Variants in TXK observed in about 807,000 individuals in gnomAD.
TXK encodes the protein tyrosine-protein kinase TXK.
In TXK, 60 loss-of-function variants were observed where a neutral mutation model predicts 81.0. That is an observed-to-expected ratio of 0.74 (90% confidence interval 0.60 to 0.92). The LOEUF (loss-of-function observed/expected upper bound fraction) is 0.92, where lower values mean the gene tolerates loss of function less well. Among genes scored for constraint, TXK ranks in the 40% least tolerant of loss-of-function variants. TXK has a pLI of 0.00. For synonymous variants in TXK, 203 were observed against 210.7 expected (o/e 0.96, Z 0.32); for missense variants, 581 against 638.3 (o/e 0.91, Z 0.97).
intron 8 of TXK, among the ~76,000 whole-genome samples, chr4:48,091,084 A>G (rs1717748439): frequency 1.3e-5 from 2 of 152,222 alleles, no homozygotes; most frequent in Admixed American, 1.3e-4. Context: ...GTGAGAGAAG[A>G]CAGGCAGAGA....
chr4:48,116,596 G>T (rs369191640), intron 1 of TXK, among the ~76,000 whole-genome samples: 4 of 152,312 alleles, frequency 2.6e-5, no homozygotes, highest in South Asian at 2.1e-4. Flanking sequence ...GAAGGAGAGG[G>T]TATCTGTGGC....
intron 1 of TXK, among the ~76,000 whole-genome samples, chr4:48,131,585 G>C (rs1719248842): frequency 6.6e-6 from 1 of 152,134 alleles, no homozygotes; most frequent in Admixed American, 6.5e-5. Flanking sequence ...GTAGACAACA[G>C]GTGATTCTTA....
At chr4:48,111,553 G>A (rs1392042503) in intron 4 of TXK, among the ~76,000 whole-genome samples, 2 of 152,206 alleles carry the variant, frequency 1.3e-5, no homozygotes, top group African/African-American at 2.4e-5. Context: ...TAATTACACA[G>A]TCCTGAACCT....
chr4:48,111,757 C>T (rs937116019), intron 4 of TXK, among the ~76,000 whole-genome samples: 1 of 152,188 alleles, frequency 6.6e-6, no homozygotes, highest in Non-Finnish European at 1.5e-5. Flanking sequence ...TCCAGATATT[C>T]CTCAGAATTC....
chr4:48,067,782 A>G, intron 14 of TXK, 77 bp from the exon 15 acceptor site: 1 of 1,376,070 alleles, frequency 7.3e-7, no homozygotes, highest in Non-Finnish European at 1.0e-6. Flanking sequence ...AACGCTAAGC[A>G]TGTGGGAGTC....
chr4:48,069,017 T>C (rs1282445507), intron 14 of TXK, among the ~76,000 whole-genome samples: 1 of 152,226 alleles, frequency 6.6e-6, no homozygotes, highest in African/African-American at 2.4e-5. Context: ...GGTAAAGCTG[T>C]AGGCAATATC....
chr4:48,080,128 C>T lies in TXK; in HGVS notation c.957G>A (p.Met319Ile), dbSNP rs747699584. 1.2e-6 allele frequency: 2 copies of T among 1,610,282 alleles called. No individual in the cohort carries two copies. Among genetic ancestry groups the T allele is most frequent in the Non-Finnish European group, 1.7e-6 (2 of 1,176,648 alleles). ...GCACTAGCTTTGAATGAGATAATTT[C>T]CTGGTGAAGAAAAACATACACCAGT... ...EDFIEEAKVM[M>I]KLSHSKLVQL... is the part of the protein sequence containing the mutation. The change falls in exon 11 of 15, where the codon ATG becomes ATA. Residue 319 changes from methionine to isoleucine, a missense_variant and splice_region_variant. Coordinates refer to ENST00000264316, the MANE Select transcript of TXK (RefSeq NM_003328.3).
intron 9 of TXK, among the ~76,000 whole-genome samples, chr4:48,087,771 A>G (rs1345173980): frequency 6.6e-6 from 1 of 152,166 alleles, no homozygotes; most frequent in South Asian, 2.1e-4. Context: ...GGGAGGATAT[A>G]TTCATGGCCT....
intron 7 of TXK, 76 bp from the exon 8 acceptor site, chr4:48,094,280 G>C: frequency 6.5e-7 from 1 of 1,533,054 alleles, no homozygotes; most frequent in South Asian, 1.1e-5. Flanking sequence ...TAAACAACAG[G>C]ACTCCAGTTC....
intron 9 of TXK, among the ~76,000 whole-genome samples, chr4:48,087,440 TA>T (rs201129481): frequency 4.4e-4 from 66 of 150,454 alleles, no homozygotes; most frequent in Non-Finnish European, 4.9e-4. Context: ...TTATTATTAT[TA>T]TTTTTTTTTT....
At chr4:48,125,740 G>GT (rs1719074199) in intron 1 of TXK, among the ~76,000 whole-genome samples, 1 of 152,238 alleles carries the variant, frequency 6.6e-6, no homozygotes, top group Non-Finnish European at 1.5e-5. Flanking sequence ...ACAGAGAGAG[G>GT]TTTCTTTTAA....
rs1217235427 is a variant in TXK, at chr4:48,066,719, C to T, written c.*918G>A. On this transcript the variant is annotated 3_prime_UTR_variant, in exon 15 of 15. Coordinates refer to ENST00000264316, the MANE Select transcript of TXK (RefSeq NM_003328.3). Reference sequence around the variant, plus strand: ...GAGTGCAGGCAAAGTTAAGATTTAACTGTGATTGCTGGTTGTTTCATCTCG... The same window carrying T: ...GAGTGCAGGCAAAGTTAAGATTTAATTGTGATTGCTGGTTGTTTCATCTCG... The T allele has an allele frequency of 1.3e-5, 2 of 152,180 alleles. No individual in the cohort carries two copies. 9.4% of individuals were successfully genotyped at this position (152,180 alleles called of 1,614,324 possible).
In TXK at chr4:48,100,971, C is replaced by T. The variant is rs560490015; in HGVS notation, c.501+3930G>A. Among the ~76,000 whole-genome samples, 29 of 151,536 alleles carry T rather than the reference C, an allele frequency of 1.9e-4. No homozygotes were observed. The East Asian group carries it at 3.5e-3, about 18-fold the overall frequency. ...TATGCTATCGTTTGTGTAAAAGTAA[C>T]AACAAGAAAATATATTTGAACTTAC... On this transcript the variant is annotated intron_variant, in intron 6 of 14. Coordinates refer to ENST00000264316, the MANE Select transcript of TXK (RefSeq NM_003328.3).
rs1718216597 is a variant in TXK at position 48,102,146 on chromosome 4, T to C, written c.501+2755A>G. The stretch of plus-strand genomic sequence containing the variant: ...GGCGCCCGCCACCATGCCTGGCTAA[T>C]TTTTGTATTTTCAGGAGAGACGGGG... On this transcript the variant is annotated intron_variant, in intron 6 of 14. Coordinates refer to ENST00000264316, the MANE Select transcript of TXK (RefSeq NM_003328.3). 2.0e-5 allele frequency among the ~76,000 whole-genome samples: 3 copies of C among 152,114 alleles called. No homozygotes were observed. The South Asian group carries it at 6.2e-4, about 32-fold the overall frequency.
chr4:48,132,078 G>A (rs1719260126), intron 1 of TXK, among the ~76,000 whole-genome samples: 2 of 144,320 alleles, frequency 1.4e-5, no homozygotes, highest in African/African-American at 2.6e-5. Flanking sequence ...ACAAACAATT[G>A]TTGGCTCCTA....
In TXK at chr4:48,112,353, G is replaced by C. The variant is rs773324278; in HGVS notation, c.334C>G (p.Leu112Val). 2 of 1,614,058 alleles carry C rather than the reference G, an allele frequency of 1.2e-6. No individual in the cohort carries two copies. The highest frequency in any genetic ancestry group is 2.7e-5 in the African/African-American group (2 of 74,930). ...CACCAGTGAGGATTGTATTTCTCCA[G>C]TATCAGGTATTCTTCTGCTCTCCTT... ...ALRRAEEYLI[L>V]EKYNPHWWKA... Residue 112 changes from leucine to valine, a missense_variant, in exon 4 of 15, where the codon CTG becomes GTG. Transcript: ENST00000264316.
At chr4:48,120,844 C>G (rs1391565065) in intron 1 of TXK, among the ~76,000 whole-genome samples, 1 of 150,368 alleles carries the variant, frequency 6.7e-6, no homozygotes, top group African/African-American at 2.5e-5. Flanking sequence ...CCATTACAGT[C>G]AGGCTGTCAT....
At chr4:48,077,253 G>T (rs558506647) in intron 11 of TXK, among the ~76,000 whole-genome samples, 4 of 117,160 alleles carry the variant, frequency 3.4e-5, no homozygotes, top group African/African-American at 1.2e-4. Context: ...TCATTGATTT[G>T]ATTATTTAGC....
At chr4:48,108,721 A>T (rs938641219) in intron 5 of TXK, among the ~76,000 whole-genome samples, 8 of 152,188 alleles carry the variant, frequency 5.3e-5, no homozygotes, top group East Asian at 1.9e-4. Context: ...ATGATTTTTT[A>T]AAAAAACACA....
Sources: gnomAD v4.1 joint callset for allele counts (sites outside exome capture counted in the v4.1 genomes callset) on GRCh38, gnomAD v4.1.1 for gene constraint, MANE v1.5 for transcripts, NCBI Gene and HGNC (gene_info 2026-07-23, HGNC 2026-07-21) for gene names.